The following RNF24 variants were observed in gnomAD, a reference collection of about 807,000 sequenced individuals.
The protein encoded by RNF24 is ring finger protein 24.
A neutral mutation model predicts 20.0 loss-of-function variants in RNF24; 14 were observed. That is an observed-to-expected ratio of 0.70 (90% CI 0.46 to 1.10). RNF24 has a LOEUF of 1.10. RNF24 is among the 50% of genes least tolerant of loss of function. RNF24 has a pLI of 0.00. For missense variants in RNF24, 124 were observed against 177.6 expected, an observed-to-expected ratio of 0.70 and a Z score of 1.71; for synonymous variants, 45 against 61.1, an observed-to-expected ratio of 0.74 and a Z score of 1.23.
At chr20:4,000,875 A>AT (rs1302661929) in intron 1 of RNF24, among the ~76,000 whole-genome samples, 2 of 152,230 alleles carry the variant, frequency 1.3e-5, no homozygotes, top group Non-Finnish European at 2.9e-5. Context: ...TAGGTAACAA[A>AT]TAATAGGGTC....
At chr20:3,954,749 A>T (rs545482567) in intron 2 of RNF24, among the ~76,000 whole-genome samples, 119 of 152,154 alleles carry the variant, frequency 7.8e-4, no homozygotes, top group Non-Finnish European at 1.4e-3. Context: ...AATACAAAAA[A>T]TTAGCTGGGT....
intron 1 of RNF24, among the ~76,000 whole-genome samples, chr20:3,975,080 T>C (rs1254818534): frequency 6.6e-6 from 1 of 152,130 alleles, no homozygotes; most frequent in Non-Finnish European, 1.5e-5. Context: ...TGGAACAAAA[T>C]GAAGAACCCA....
At chr20:3,961,666 A>G (rs2091203279) in intron 2 of RNF24, among the ~76,000 whole-genome samples, 1 of 152,042 alleles carries the variant, frequency 6.6e-6, no homozygotes. Flanking sequence ...TATTTTACAT[A>G]TGATAACCCT....
At chr20:3,943,968 G>T (rs919648386) in intron 4 of RNF24, among the ~76,000 whole-genome samples, 4 of 152,116 alleles carry the variant, frequency 2.6e-5, no homozygotes, top group African/African-American at 9.7e-5. Flanking sequence ...CCAGCACTTT[G>T]GGAGGCCGAG....
intron 2 of RNF24, among the ~76,000 whole-genome samples, chr20:3,948,760 A>G (rs1343077736): frequency 6.6e-6 from 1 of 152,024 alleles, no homozygotes; most frequent in Admixed American, 6.6e-5. Context: ...GATTTCTAAC[A>G]CTGTAGATTA....
At position 4,012,427 on chromosome 20, in the gene RNF24, A is replaced by C. The variant is rs113476035; in HGVS notation, c.-8+3010T>G. Among the ~76,000 whole-genome samples the C allele has an allele frequency of 4.3e-3, 640 of 150,478 alleles. 3 individuals are homozygous for C. Among genetic ancestry groups the C allele is most frequent in the African/African-American group, 0.015 (614 of 41,416 alleles). On this transcript the variant is annotated intron_variant, in intron 1 of 5. Transcript: ENST00000358395. Reference sequence around the variant, plus strand: ...GTGAGACTCCATCTCAAAAAAAAAAAACAACAAAACACCCAAAAAACAAAA... The same window carrying C: ...GTGAGACTCCATCTCAAAAAAAAAACACAACAAAACACCCAAAAAACAAAA...
At position 3,945,189 on chromosome 20, in the gene RNF24, C is replaced by T. The variant is rs1423140016; in HGVS notation, c.216G>A (p.Leu72=). 6 of 1,599,026 alleles carry T rather than the reference C, an allele frequency of 3.8e-6. No individual in the cohort carries two copies. Among genetic ancestry groups the T allele is most frequent in the Non-Finnish European group, 5.1e-6 (6 of 1,172,548 alleles). ...QVILKEKVKE[L]NLHELCAVCL... ...ATCATCAACTTACCTCATGTAAATT[C>T]AATTCTTTTACTTTCTCTTTTAATA... Residue 72 remains leucine, a synonymous_variant, in exon 4 of 6, where the codon TTG becomes TTA. Transcript: ENST00000358395.
intron 1 of RNF24, among the ~76,000 whole-genome samples, chr20:3,995,336 T>C (rs375149243): frequency 6.6e-4 from 101 of 152,306 alleles, no homozygotes; most frequent in Middle Eastern, 3.4e-3. Flanking sequence ...CTGGGTTAGA[T>C]CTACATCTTT....
Position 3,930,137 on chromosome 20 carries a change from A to G in RNF24, c.*3926T>C, listed in dbSNP as rs1006619232. 2.6e-5 allele frequency: 4 copies of G among 152,384 alleles called. No homozygotes were observed. In the South Asian group the frequency reaches 8.3e-4, roughly 32 times the overall value. 9.4% of individuals were successfully genotyped at this position (152,384 alleles called of 1,614,324 possible). A position where few individuals can be genotyped will look rare whatever the true frequency, so the allele number is the denominator to read the frequency against. On this transcript the variant is annotated 3_prime_UTR_variant, in exon 6 of 6. Transcript: ENST00000358395. ...CATGGAGTGAGGAGCGGAGCTTGCT[A>G]GGCATCAGGAACTCAAGAAAGGCTT...
intron 1 of RNF24, among the ~76,000 whole-genome samples, chr20:4,005,184 T>C (rs1042064131): frequency 4.0e-5 from 6 of 151,850 alleles, no homozygotes; most frequent in Admixed American, 1.3e-4. Context: ...ACATTTAGTT[T>C]GTCATCCATA....
At chr20:4,011,764 G>A (rs1982476452) in intron 1 of RNF24, among the ~76,000 whole-genome samples, 1 of 152,174 alleles carries the variant, frequency 6.6e-6, no homozygotes, top group Admixed American at 6.5e-5. Flanking sequence ...GTGAATAACA[G>A]GTACACTGTC....
Position 3,934,226 on chromosome 20 carries a change from G to A in RNF24, c.309-25C>T, listed in dbSNP as rs1461390208. 4.4e-6 allele frequency: 7 copies of A among 1,599,380 alleles called. No individual in the cohort carries two copies. Among genetic ancestry groups the A allele is most frequent in the African/African-American group, 1.4e-5 (1 of 73,864 alleles). On this transcript the variant is annotated intron_variant, in intron 5 of 5. Coordinates refer to ENST00000358395, the MANE Select transcript of RNF24 (RefSeq NM_001134337.3). The surrounding 1 kb of genome is among the most constrained non-coding windows in gnomAD (Gnocchi z 4.0). ...CCTGCAGAAGGAGACACCACAGGGG[G>A]AAGATGTCAGTCCTATGCTCATGGC...
In RNF24 at chr20:3,929,748, TAGAAAGTC is replaced by T. The variant is rs773602836; in HGVS notation, c.*4307_*4314del. ...CTGATCTTGAGCATCCTGTCGCAGA[TAGAAAGTC>T]AATCAGAAAAATCTGGTTGTGCTCT... On this transcript the variant is annotated 3_prime_UTR_variant, in exon 6 of 6. Transcript: ENST00000358395. 15 of 152,240 alleles carry T rather than the reference TAGAAAGTC, an allele frequency of 9.9e-5. No homozygotes were observed. Among genetic ancestry groups the T allele is most frequent in the Non-Finnish European group, 1.9e-4 (13 of 68,040 alleles). The allele number at this position is 152,240 out of a possible 1,614,324, so 9.4% of individuals were successfully genotyped here.
chr20:3,931,727 A>G lies in RNF24; in HGVS notation c.*2336T>C, dbSNP rs145473042. ...CATTTTAAAACCAGTCCACATTCAC[A>G]TGTGCTGAGAAGGTTGTTAGTGGTC... is the stretch of plus-strand genomic sequence containing the variant. On this transcript the variant is annotated 3_prime_UTR_variant, in exon 6 of 6. Coordinates refer to ENST00000358395, the MANE Select transcript of RNF24 (RefSeq NM_001134337.3). 4 of 152,240 alleles carry G rather than the reference A, an allele frequency of 2.6e-5. No individual in the cohort carries two copies. The highest frequency in any genetic ancestry group is 7.2e-5 in the African/African-American group (3 of 41,446). The allele number at this position is 152,240 out of a possible 1,614,324, so 9.4% of individuals were successfully genotyped here.
At chr20:3,958,262 A>T (rs1049702270) in intron 2 of RNF24, among the ~76,000 whole-genome samples, 3 of 152,108 alleles carry the variant, frequency 2.0e-5, no homozygotes, top group Admixed American at 1.3e-4. Context: ...AATCTTCCAC[A>T]ATTGGCTCAT....
chr20:3,978,654 A>AT (rs1979109947), intron 1 of RNF24, among the ~76,000 whole-genome samples: 1 of 152,214 alleles, frequency 6.6e-6, no homozygotes, highest in Non-Finnish European at 1.5e-5. Flanking sequence ...TATAGCAGGC[A>AT]AGTATAAGAA....
chr20:3,989,351 C>T (rs1284087729), intron 1 of RNF24, among the ~76,000 whole-genome samples: 3 of 151,866 alleles, frequency 2.0e-5, no homozygotes, highest in African/African-American at 4.8e-5. Context: ...ATTAGCCAGG[C>T]GTGGTGGCGG....
At chr20:4,003,633 CT>C (rs377227990) in intron 1 of RNF24, among the ~76,000 whole-genome samples, 413 of 84,284 alleles carry the variant, frequency 4.9e-3, no homozygotes, top group African/African-American at 0.014. Context: ...TTAGAAACTC[CT>C]TTTTTTTTTT....
chr20:3,974,267 C>A, intron 1 of RNF24: 1 of 1,506,056 alleles, frequency 6.6e-7, no homozygotes. Context: ...AAAAACCAAC[C>A]AAACAATAAC....
Sources: allele counts gnomAD v4.1 joint callset (sites outside exome capture counted in the v4.1 genomes callset), GRCh38; gene constraint gnomAD v4.1.1; non-coding constraint Gnocchi (gnomAD v3.1); transcripts MANE v1.5; gene names NCBI Gene and HGNC (gene_info 2026-07-23, HGNC 2026-07-21).